Variants in SOX6 observed in about 807,000 individuals in gnomAD.
The protein encoded by SOX6 is SRY-box transcription factor 6.
Under a neutral mutation model 97.8 loss-of-function variants are expected in SOX6, and 11 were observed. That is an observed-to-expected ratio of 0.11 (90% CI 0.07 to 0.19). The LOEUF (loss-of-function observed/expected upper bound fraction) is 0.19. Ranked by LOEUF, SOX6 falls within the 10% of genes least tolerant of loss-of-function variation. SOX6 has a pLI of 1.00. For synonymous variants in SOX6, 360 were observed against 371.4 expected (o/e 0.97, Z 0.35); for missense variants, 810 against 1,039.5 (o/e 0.78, Z 3.04).
intron 4 of SOX6, among the ~76,000 whole-genome samples, chr11:16,587,731 T>C (rs4379793): frequency 0.98 from 149,137 of 152,326 alleles, 73,102 homozygotes; most frequent in East Asian, 1. Flanking sequence ...ATTCCTTTAT[T>C]CTCCTTCTCT....
intron 3 of SOX6, among the ~76,000 whole-genome samples, chr11:16,254,698 C>T (rs1248749372): frequency 6.6e-6 from 1 of 151,648 alleles, no homozygotes; most frequent in Non-Finnish European, 1.5e-5. Context: ...AAAAAAAAGG[C>T]AGGGAAAGCA....
At position 16,641,533 on chromosome 11, in the gene SOX6, G is replaced by A. The variant is rs188961607; in HGVS notation, n.430-29273C>T. ...TTAAAGTCTCTCGTTATTATTGTGTGGGAGTCTAAGTCTCTTTATAGGTCT... is the reference window on the plus strand; with the variant it reads ...TTAAAGTCTCTCGTTATTATTGTGTAGGAGTCTAAGTCTCTTTATAGGTCT... On this transcript the variant is annotated intron_variant and non_coding_transcript_variant, in intron 3 of 5. Transcript: ENST00000524520. Among the ~76,000 whole-genome samples the A allele has an allele frequency of 3.5e-3, 531 of 152,206 alleles. 12 individuals are homozygous for A. The East Asian group carries it at 0.067, about 19-fold the overall frequency.
chr11:16,048,307 T>C (rs1470825166), intron 11 of SOX6, among the ~76,000 whole-genome samples: 1 of 152,186 alleles, frequency 6.6e-6, no homozygotes, highest in Non-Finnish European at 1.5e-5. Flanking sequence ...CATGAAAACT[T>C]TCAGGTCCCA....
At chr11:16,412,006 A>G (rs1483192776) in intron 1 of SOX6, among the ~76,000 whole-genome samples, 1 of 152,236 alleles carries the variant, frequency 6.6e-6, no homozygotes, top group Non-Finnish European at 1.5e-5. Flanking sequence ...TAATAAAAGT[A>G]TCAAATTGCT....
intron 3 of SOX6, among the ~76,000 whole-genome samples, chr11:16,654,699 C>T (rs1847699705): frequency 6.6e-6 from 1 of 152,132 alleles, no homozygotes; most frequent in Non-Finnish European, 1.5e-5. Flanking sequence ...ATACTTGTAT[C>T]CTTCAGCATT....
rs1255585501 is a variant in SOX6, at chr11:16,055,883, G to A, written c.1120C>T (p.Leu374=). 1.7e-5 allele frequency: 28 copies of A among 1,613,568 alleles called. No individual in the cohort carries two copies. Among genetic ancestry groups the A allele is most frequent in the Non-Finnish European group, 2.4e-5 (28 of 1,179,784 alleles). ...KQIEQLYAAQ[L]ASMQVSPGAK... is the part of the protein sequence containing the mutation. Reference sequence around the variant, plus strand: ...CCAGGTGACACCTGCATGCTGGCCAGCTGAGCGGCATAGAGCTGCTGCAAA... The same window carrying A: ...CCAGGTGACACCTGCATGCTGGCCAACTGAGCGGCATAGAGCTGCTGCAAA... Residue 374 remains leucine, a synonymous_variant, in exon 10 of 16, where the codon CTG becomes TTG. Transcript: ENST00000683767.
chr11:16,106,224 C>T (rs1026740260), intron 7 of SOX6, among the ~76,000 whole-genome samples: 1 of 151,912 alleles, frequency 6.6e-6, no homozygotes, highest in African/African-American at 2.4e-5. Flanking sequence ...TATGGAATTA[C>T]AAGAGGTCCC....
intron 4 of SOX6, among the ~76,000 whole-genome samples, chr11:16,483,215 A>G (rs2133126083): frequency 6.6e-6 from 1 of 152,340 alleles, no homozygotes; most frequent in East Asian, 1.9e-4. Flanking sequence ...AGGCAATTAT[A>G]CCTAGCACAG....
chr11:15,990,333 C>T (rs1040672280), intron 13 of SOX6, among the ~76,000 whole-genome samples: 7 of 151,798 alleles, frequency 4.6e-5, no homozygotes, highest in East Asian at 3.9e-4. Flanking sequence ...TTATTTCAAG[C>T]GTCCTGTTCT....
At chr11:16,117,911 AG>A (rs1351625283) in intron 6 of SOX6, among the ~76,000 whole-genome samples, 1 of 152,212 alleles carries the variant, frequency 6.6e-6, no homozygotes, top group East Asian at 1.9e-4. Flanking sequence ...ACTCCATCAA[AG>A]ACTGACCAGT....
chr11:16,126,268 C>CT (rs1248656587), intron 6 of SOX6, among the ~76,000 whole-genome samples: 5 of 152,000 alleles, frequency 3.3e-5, no homozygotes, highest in Admixed American at 6.6e-5. Flanking sequence ...AATCTATAGA[C>CT]TTTTTTTTAG....
intron 1 of SOX6, among the ~76,000 whole-genome samples, 41 bp downstream of exon 1, chr11:16,356,053 G>C (rs1857064137): frequency 6.6e-6 from 1 of 151,954 alleles, no homozygotes; most frequent in Admixed American, 6.6e-5. Context: ...AAGTAATACA[G>C]CCAAGACCTG....
intron 12 of SOX6, among the ~76,000 whole-genome samples, chr11:16,024,782 G>GA (rs1465711222): frequency 6.6e-6 from 1 of 152,038 alleles, no homozygotes; most frequent in Non-Finnish European, 1.5e-5. Context: ...CTGCTGAAAT[G>GA]AACTAATGTC....
At chr11:16,520,318 T>G (rs530947799) in intron 4 of SOX6, among the ~76,000 whole-genome samples, 30 of 152,252 alleles carry the variant, frequency 2.0e-4, no homozygotes, top group Admixed American at 1.8e-3. Flanking sequence ...TTCCAGAATT[T>G]TTATAGATTC....
intron 1 of SOX6, among the ~76,000 whole-genome samples, chr11:16,449,356 C>T (rs1177772488): frequency 7.9e-6 from 1 of 127,190 alleles, no homozygotes; most frequent in African/African-American, 3.0e-5. Context: ...GCAGTGGAGC[C>T]ATCTCGGCTC....
At chr11:16,496,317 TAAA>T (rs35080645) in intron 4 of SOX6, among the ~76,000 whole-genome samples, 3 of 147,442 alleles carry the variant, frequency 2.0e-5, no homozygotes, top group East Asian at 2.0e-4. Context: ...GAACATGGAT[TAAA>T]AAAAAAAAAA....
intron 13 of SOX6, among the ~76,000 whole-genome samples, chr11:15,990,586 G>A (rs1458876386): frequency 6.6e-6 from 1 of 152,090 alleles, no homozygotes; most frequent in South Asian, 2.1e-4. Context: ...ATAAATGAAT[G>A]AATGAACATA....
At chr11:16,379,211 A>C (rs1831686410) in intron 1 of SOX6, among the ~76,000 whole-genome samples, 1 of 152,154 alleles carries the variant, frequency 6.6e-6, no homozygotes, top group Non-Finnish European at 1.5e-5. Flanking sequence ...TCATGCCTGT[A>C]ATCCCAACAC....
At chr11:16,638,722 G>A (rs1481817453) in intron 3 of SOX6, among the ~76,000 whole-genome samples, 3 of 152,144 alleles carry the variant, frequency 2.0e-5, no homozygotes, top group Admixed American at 6.5e-5. Flanking sequence ...GTCTTCTTTT[G>A]AGAAGTGTCT....
Sources: gnomAD v4.1 joint callset for allele counts (sites outside exome capture counted in the v4.1 genomes callset) on GRCh38, gnomAD v4.1.1 for gene constraint, MANE v1.5 for transcripts, NCBI Gene and HGNC (gene_info 2026-07-23, HGNC 2026-07-21) for gene names.